The following LRRTM4 variants were observed in gnomAD, a reference collection of about 807,000 sequenced individuals.
LRRTM4 encodes the protein leucine-rich repeat transmembrane neuronal protein 4.
In LRRTM4, 25 loss-of-function variants were observed where a neutral mutation model predicts 47.6. That is an observed-to-expected ratio of 0.53 (90% CI 0.38 to 0.73). LRRTM4 has a LOEUF of 0.73. Among genes scored for constraint, LRRTM4 ranks in the 30% least tolerant of loss-of-function variants. The probability of loss-of-function intolerance (pLI) is 0.00; values close to 1 mark genes in which losing one functional copy is unlikely to be tolerated. For missense variants in LRRTM4, 638 were observed against 713.4 expected, an observed-to-expected ratio of 0.89 and a Z score of 1.20; for synonymous variants, 311 against 269.5, an observed-to-expected ratio of 1.15 and a Z score of -1.51.
rs960812965 is a variant in LRRTM4 at position 77,082,648 on chromosome 2, T to C, written c.1552-333732A>G. On this transcript the variant is annotated intron_variant, in intron 3 of 3. Transcript: ENST00000409884. ...GTGCGTCAACACATATACATGAATA[T>C]ATTTGAATTTATCTCGCTAGTTAAA... 2.6e-5 allele frequency among the ~76,000 whole-genome samples: 4 copies of C among 151,660 alleles called. No individual in the cohort carries two copies. The South Asian group carries it at 8.3e-4, about 32-fold the overall frequency.
chr2:77,445,179 C>T (rs1676003807), intron 3 of LRRTM4, among the ~76,000 whole-genome samples: 1 of 151,960 alleles, frequency 6.6e-6, no homozygotes, highest in African/African-American at 2.4e-5. Context: ...TGGTTGCTTG[C>T]CATCCCTAAG....
chr2:76,801,540 G>A (rs1197085289), intron 3 of LRRTM4, among the ~76,000 whole-genome samples: 2 of 152,038 alleles, frequency 1.3e-5, no homozygotes, highest in African/African-American at 4.8e-5. Context: ...GGAAGGGATA[G>A]CATTAGGAGA....
chr2:77,043,242 T>C (rs1043044552), intron 3 of LRRTM4, among the ~76,000 whole-genome samples: 2 of 151,834 alleles, frequency 1.3e-5, no homozygotes, highest in African/African-American at 2.4e-5. Flanking sequence ...AAGTTGCCTC[T>C]AGTCTACCCA....
chr2:77,160,767 G>A (rs10175594), intron 3 of LRRTM4, among the ~76,000 whole-genome samples: 5,959 of 152,160 alleles, frequency 0.039, 418 homozygotes, highest in African/African-American at 0.13. Context: ...TGCTTGCTTT[G>A]AAACTGCCCT....
intron 3 of LRRTM4, among the ~76,000 whole-genome samples, chr2:77,294,897 G>GA (rs1416696683): frequency 1.3e-5 from 2 of 151,924 alleles, no homozygotes; most frequent in Non-Finnish European, 2.9e-5. Context: ...TTTTAGAACT[G>GA]AAAAAATCTA....
At chr2:76,836,476 C>G (rs951730989) in intron 3 of LRRTM4, among the ~76,000 whole-genome samples, 2 of 151,826 alleles carry the variant, frequency 1.3e-5, no homozygotes, top group East Asian at 3.9e-4. Context: ...TTCTCACCTT[C>G]GTTTTCTTTC....
At chr2:77,142,595 C>T (rs561983509) in intron 3 of LRRTM4, among the ~76,000 whole-genome samples, 5 of 152,192 alleles carry the variant, frequency 3.3e-5, no homozygotes. Context: ...ATTCTATATG[C>T]TTATCCCCCA....
intron 3 of LRRTM4, among the ~76,000 whole-genome samples, chr2:76,918,838 T>G (rs971820038): frequency 2.6e-5 from 4 of 152,156 alleles, no homozygotes; most frequent in Admixed American, 6.5e-5. Flanking sequence ...GTTAAGAGCA[T>G]GAATAAGAAT....
rs1573314700 is a variant in LRRTM4, at chr2:77,363,853, T to C, written c.1551+154465A>G. Among the ~76,000 whole-genome samples the C allele has an allele frequency of 2.6e-5, 4 of 152,232 alleles. No homozygotes were observed. The South Asian group carries it at 8.3e-4, about 32-fold the overall frequency. On this transcript the variant is annotated intron_variant, in intron 3 of 3. Transcript: ENST00000409884. ...TGCTTTGGAATTTTAACAAAACATATTATATAACTCTCTGAATTCAAAAAT... is the reference window on the plus strand; with the variant it reads ...TGCTTTGGAATTTTAACAAAACATACTATATAACTCTCTGAATTCAAAAAT...
intron 3 of LRRTM4, among the ~76,000 whole-genome samples, chr2:76,955,985 T>G (rs1387759244): frequency 1.3e-5 from 2 of 151,312 alleles, no homozygotes; most frequent in African/African-American, 2.4e-5. Context: ...TTACTTTAAG[T>G]GTAAATCGAT....
chr2:76,856,914 A>G (rs1672167890), intron 3 of LRRTM4, among the ~76,000 whole-genome samples: 1 of 152,148 alleles, frequency 6.6e-6, no homozygotes, highest in South Asian at 2.1e-4. Context: ...AAAAACAAAC[A>G]TGTATTTCTT....
At position 77,464,904 on chromosome 2, in the gene LRRTM4, AAC is replaced by A. The variant is rs1676926327; in HGVS notation, c.1551+53412_1551+53413del. Among the ~76,000 whole-genome samples, 3 of 152,204 alleles carry A rather than the reference AAC, an allele frequency of 2.0e-5. No homozygotes were observed. In the South Asian group the frequency reaches 6.2e-4, roughly 31 times the overall value. On this transcript the variant is annotated intron_variant, in intron 3 of 3. Transcript: ENST00000409884. Reference sequence around the variant, plus strand: ...TGTGTTATGTAAACTAATGATTGAAAACACAGCTCTTTTAAAATATTCTGTGC... The same window carrying A: ...TGTGTTATGTAAACTAATGATTGAAAACAGCTCTTTTAAAATATTCTGTGC...
chr2:76,806,576 C>G (rs551200422), intron 3 of LRRTM4, among the ~76,000 whole-genome samples: 3 of 149,180 alleles, frequency 2.0e-5, no homozygotes, highest in East Asian at 2.0e-4. Flanking sequence ...AGGAAAACCC[C>G]GTCTCAAAAC....
intron 3 of LRRTM4, among the ~76,000 whole-genome samples, chr2:77,224,398 G>C (rs943807320): frequency 6.6e-6 from 1 of 152,148 alleles, no homozygotes; most frequent in Non-Finnish European, 1.5e-5. Flanking sequence ...CACAGCAAAA[G>C]AAACTACCAT....
intron 3 of LRRTM4, among the ~76,000 whole-genome samples, chr2:77,436,241 TA>T: frequency 6.6e-6 from 1 of 152,266 alleles, no homozygotes; most frequent in African/African-American, 2.4e-5. Context: ...CACATTTGAA[TA>T]AAGTCTAGTA....
intron 3 of LRRTM4, among the ~76,000 whole-genome samples, chr2:77,366,067 C>G (rs533390820): frequency 6.6e-6 from 1 of 151,492 alleles, no homozygotes; most frequent in East Asian, 1.9e-4. Context: ...AAAGTTAAGT[C>G]TAGCATATAA....
chr2:77,467,020 TTC>T (rs1324209895), intron 3 of LRRTM4, among the ~76,000 whole-genome samples: 2 of 152,140 alleles, frequency 1.3e-5, no homozygotes, highest in Non-Finnish European at 2.9e-5. Context: ...AACTTTTGTT[TTC>T]TGTTTGATAA....
At chr2:77,145,646 C>T (rs1672237464) in intron 3 of LRRTM4, among the ~76,000 whole-genome samples, 2 of 151,342 alleles carry the variant, frequency 1.3e-5, no homozygotes, top group Admixed American at 6.6e-5. Flanking sequence ...TGGTGGCGGG[C>T]ACCTGTAGTC....
At chr2:77,491,723 G>C (rs925763201) in intron 3 of LRRTM4, among the ~76,000 whole-genome samples, 1 of 151,840 alleles carries the variant, frequency 6.6e-6, no homozygotes, top group Non-Finnish European at 1.5e-5. Flanking sequence ...TTGAAGAAGA[G>C]GGAAAGAGTA....
Sources: gnomAD v4.1 joint callset for allele counts (sites outside exome capture counted in the v4.1 genomes callset) on GRCh38, gnomAD v4.1.1 for gene constraint, MANE v1.5 for transcripts, NCBI Gene and HGNC (gene_info 2026-07-23, HGNC 2026-07-21) for gene names.